The following SPIDR variants were observed in gnomAD, a reference collection of about 807,000 sequenced individuals.
The protein encoded by SPIDR is DNA repair-scaffolding protein.
SPIDR carries 93 observed loss-of-function variants against 104.6 expected under a neutral mutation model. That is an observed-to-expected ratio of 0.89 (90% confidence interval 0.75 to 1.06). The LOEUF is 1.06. Ranked by LOEUF, SPIDR falls within the 50% of genes least tolerant of loss-of-function variation. The probability of loss-of-function intolerance (pLI) is 0.00; values close to 1 mark genes in which losing one functional copy is unlikely to be tolerated. For synonymous variants in SPIDR, 431 were observed against 416.9 expected, an observed-to-expected ratio of 1.03 and a Z score of -0.41; for missense variants, 1,154 against 1,111.2, an observed-to-expected ratio of 1.04 and a Z score of -0.55.
intron 5 of SPIDR, among the ~76,000 whole-genome samples, chr8:47,342,952 G>A (rs569165272): frequency 1.3e-5 from 2 of 152,218 alleles, no homozygotes; most frequent in East Asian, 3.9e-4. Flanking sequence ...AAATTGTTGA[G>A]ACACACACTC....
intron 10 of SPIDR, among the ~76,000 whole-genome samples, chr8:47,620,288 T>C (rs2064950535): frequency 6.6e-6 from 1 of 150,840 alleles, no homozygotes; most frequent in Admixed American, 6.6e-5. Flanking sequence ...TTTTTTTTTT[T>C]TTTTGAGACG....
intron 8 of SPIDR, among the ~76,000 whole-genome samples, chr8:47,565,306 G>A (rs1343235685): frequency 6.6e-6 from 1 of 152,110 alleles, no homozygotes; most frequent in Non-Finnish European, 1.5e-5. Context: ...TTCCTGTTTG[G>A]GGGACATGCA....
chr8:47,599,913 A>G (rs897354933), intron 10 of SPIDR, among the ~76,000 whole-genome samples: 5 of 152,078 alleles, frequency 3.3e-5, no homozygotes, highest in African/African-American at 1.2e-4. Context: ...TTGCACCACC[A>G]TGCCTGGCTA....
chr8:47,269,578 A>T lies in SPIDR; in HGVS notation c.33+8587A>T, dbSNP rs1410883064. Among the ~76,000 whole-genome samples, 7 of 152,046 alleles carry T rather than the reference A, an allele frequency of 4.6e-5. No homozygotes were observed. The East Asian group carries it at 1.4e-3, about 29-fold the overall frequency. ...GCCAACCATGTCTCTTAAAAAAAAA[A>T]AAAAAAAGAAAGAAAACAAAATACC... On this transcript the variant is annotated intron_variant, in intron 1 of 19. Transcript: ENST00000297423.
chr8:47,582,869 C>T (rs1205231313), intron 8 of SPIDR, among the ~76,000 whole-genome samples: 1 of 124,836 alleles, frequency 8.0e-6, no homozygotes, highest in African/African-American at 2.9e-5. Flanking sequence ...CACACACACA[C>T]ATATTTTTAA....
intron 6 of SPIDR, among the ~76,000 whole-genome samples, chr8:47,400,039 C>T (rs936832837): frequency 3.9e-5 from 6 of 152,142 alleles, no homozygotes; most frequent in Non-Finnish European, 5.9e-5. Context: ...GGCCATAACC[C>T]AGGAGATAAG....
At chr8:47,493,445 AGGATG>A (rs1187130528) in intron 8 of SPIDR, among the ~76,000 whole-genome samples, 1 of 152,194 alleles carries the variant, frequency 6.6e-6, no homozygotes, top group Non-Finnish European at 1.5e-5. Context: ...CTCCAAAAAT[AGGATG>A]TCTTTCAAGT....
chr8:47,726,444 C>G (rs897174480), intron 16 of SPIDR, among the ~76,000 whole-genome samples: 1 of 152,208 alleles, frequency 6.6e-6, no homozygotes, highest in Non-Finnish European at 1.5e-5. Context: ...CGCTTTTCAA[C>G]AAGGACATCT....
intron 5 of SPIDR, among the ~76,000 whole-genome samples, chr8:47,315,149 A>G (rs1474404663): frequency 6.6e-6 from 1 of 152,234 alleles, no homozygotes; most frequent in African/African-American, 2.4e-5. Context: ...TCTGTAACTT[A>G]TAGAAAACCT....
chr8:47,529,500 A>G (rs2085570521), intron 8 of SPIDR, among the ~76,000 whole-genome samples: 3 of 152,266 alleles, frequency 2.0e-5, no homozygotes, highest in Non-Finnish European at 2.9e-5. Context: ...TAGCAAAAAT[A>G]TCCTTCAATG....
chr8:47,312,232 C>A (rs2044324038), intron 5 of SPIDR, among the ~76,000 whole-genome samples: 1 of 152,242 alleles, frequency 6.6e-6, no homozygotes, highest in African/African-American at 2.4e-5. Context: ...TGGGTATATA[C>A]CCAGTAATGG....
intron 5 of SPIDR, among the ~76,000 whole-genome samples, chr8:47,320,356 G>C (rs2154261407): frequency 6.6e-6 from 1 of 152,196 alleles, no homozygotes; most frequent in East Asian, 1.9e-4. Context: ...AGAAGAAATG[G>C]ATACATTCCT....
chr8:47,423,199 G>C (rs552410371), intron 7 of SPIDR, among the ~76,000 whole-genome samples: 3 of 151,522 alleles, frequency 2.0e-5, no homozygotes, highest in Non-Finnish European at 4.4e-5. Context: ...TCGGGAGGCT[G>C]TTACAGGAGA....
chr8:47,530,405 G>A (rs1038611828), intron 8 of SPIDR, among the ~76,000 whole-genome samples: 7 of 152,030 alleles, frequency 4.6e-5, no homozygotes, highest in African/African-American at 1.7e-4. Context: ...GATCGGGCCT[G>A]TGCACTCCAG....
intron 8 of SPIDR, among the ~76,000 whole-genome samples, chr8:47,452,730 T>G (rs1031467932): frequency 2.6e-5 from 4 of 152,118 alleles, no homozygotes; most frequent in Non-Finnish European, 5.9e-5. Context: ...TAAGAGCTAT[T>G]TATGACAGAC....
At chr8:47,485,022 C>A (rs1342946344) in intron 8 of SPIDR, among the ~76,000 whole-genome samples, 1 of 152,172 alleles carries the variant, frequency 6.6e-6, no homozygotes, top group Admixed American at 6.5e-5. Flanking sequence ...GTGCAGCCCA[C>A]CAAGCGTGAG....
intron 10 of SPIDR, among the ~76,000 whole-genome samples, chr8:47,640,421 T>A (rs899137436): frequency 6.6e-6 from 1 of 152,068 alleles, no homozygotes; most frequent in Non-Finnish European, 1.5e-5. Flanking sequence ...AAACATATGA[T>A]CAAAGCAGAC....
chr8:47,627,343 C>G (rs1004389053), intron 10 of SPIDR, among the ~76,000 whole-genome samples: 2 of 151,906 alleles, frequency 1.3e-5, no homozygotes, highest in African/African-American at 2.4e-5. Flanking sequence ...ACATATGTAA[C>G]AAACCTGCAC....
chr8:47,269,473 G>C (rs1308501056), intron 1 of SPIDR, among the ~76,000 whole-genome samples: 2 of 151,092 alleles, frequency 1.3e-5, no homozygotes, highest in Non-Finnish European at 2.9e-5. Flanking sequence ...GGCCGGGCTG[G>C]TATTGAACTC....
Sources: gnomAD v4.1 joint callset for allele counts (sites outside exome capture counted in the v4.1 genomes callset) on GRCh38, gnomAD v4.1.1 for gene constraint, MANE v1.5 for transcripts, NCBI Gene and HGNC (gene_info 2026-07-23, HGNC 2026-07-21) for gene names.